The following RGS7 variants were observed in gnomAD, a reference collection of about 807,000 sequenced individuals.
RGS7 encodes the protein regulator of G-protein signaling 7.
Under a neutral mutation model 81.1 loss-of-function variants are expected in RGS7, and 27 were observed. The observed-to-expected ratio is 0.33, with a 90% confidence interval of 0.25 to 0.46. RGS7 has a LOEUF of 0.46. RGS7 is among the 20% of genes least tolerant of loss of function. The pLI, the probability that RGS7 is intolerant of heterozygous loss-of-function variation, is 1.00. For missense variants in RGS7, 396 were observed against 607.4 expected (o/e 0.65, Z 3.66); for synonymous variants, 208 against 207.7 (o/e 1.00, Z -0.01).
chr1:241,057,619 G>T lies in RGS7; in HGVS notation c.175+41047C>A, dbSNP rs2061536746. ...GATCTCTGTTCCTATTTATCTCTGAGAGTTAAATTTATAGCTGGGCATGGT... is the reference window on the plus strand; with the variant it reads ...GATCTCTGTTCCTATTTATCTCTGATAGTTAAATTTATAGCTGGGCATGGT... On this transcript the variant is annotated intron_variant, in intron 3 of 18. Coordinates refer to ENST00000440928, the MANE Select transcript of RGS7 (RefSeq NM_001364886.1). Among the ~76,000 whole-genome samples, 4 of 152,108 alleles carry T rather than the reference G, an allele frequency of 2.6e-5. No individual in the cohort carries two copies. The South Asian group carries it at 8.3e-4, about 32-fold the overall frequency.
intron 3 of RGS7, among the ~76,000 whole-genome samples, chr1:241,038,485 C>A (rs1171714833): frequency 6.6e-6 from 1 of 152,118 alleles, no homozygotes; most frequent in Non-Finnish European, 1.5e-5. Flanking sequence ...GCAATGAAAG[C>A]AGATTTGACA....
At chr1:240,864,052 C>T (rs917849749) in intron 9 of RGS7, among the ~76,000 whole-genome samples, 23 of 152,174 alleles carry the variant, frequency 1.5e-4, no homozygotes, top group Non-Finnish European at 8.8e-5. Flanking sequence ...CTATAAACAA[C>T]ATGAGCATCT....
intron 2 of RGS7, among the ~76,000 whole-genome samples, chr1:241,316,009 G>A (rs2080848987): frequency 6.6e-6 from 1 of 152,060 alleles, no homozygotes; most frequent in East Asian, 1.9e-4. Context: ...TAATTGATCT[G>A]CACGTGGTAC....
intron 2 of RGS7, among the ~76,000 whole-genome samples, chr1:241,197,831 CAA>C (rs55756508): frequency 3.9e-4 from 44 of 113,010 alleles, no homozygotes; most frequent in Non-Finnish European, 3.4e-4. Flanking sequence ...GATAAAAGAC[CAA>C]AAAAAAAAAA....
chr1:241,070,882 G>A (rs919812510), intron 3 of RGS7, among the ~76,000 whole-genome samples: 1 of 152,140 alleles, frequency 6.6e-6, no homozygotes, highest in Non-Finnish European at 1.5e-5. Flanking sequence ...GTCAGTGATG[G>A]GCATAAAAAT....
intron 2 of RGS7, among the ~76,000 whole-genome samples, chr1:241,294,696 T>C (rs2079293271): frequency 6.6e-6 from 1 of 152,162 alleles, no homozygotes; most frequent in African/African-American, 2.4e-5. Context: ...GGGTGTACCA[T>C]TTTTTTCCTC....
chr1:241,182,390 C>A (rs1054639894), intron 2 of RGS7, among the ~76,000 whole-genome samples: 1 of 152,178 alleles, frequency 6.6e-6, no homozygotes, highest in Non-Finnish European at 1.5e-5. Flanking sequence ...CCTCACCAGG[C>A]AACTGAGAGA....
intron 2 of RGS7, among the ~76,000 whole-genome samples, chr1:241,259,926 G>T (rs2077245047): frequency 6.6e-6 from 1 of 151,920 alleles, no homozygotes; most frequent in South Asian, 2.1e-4. Context: ...CTTCATTTCA[G>T]AATCTAGCCT....
intron 3 of RGS7, among the ~76,000 whole-genome samples, chr1:241,037,720 CAAA>C (rs34194641): frequency 1.1e-4 from 14 of 130,284 alleles, no homozygotes; most frequent in South Asian, 5.0e-4. Context: ...GACTCCATCT[CAAA>C]AAAAAAAAAA....
intron 17 of RGS7, among the ~76,000 whole-genome samples, 196 bp from the exon 18 acceptor site, chr1:240,800,917 C>A (rs1158531219): frequency 6.6e-6 from 1 of 151,996 alleles, no homozygotes; most frequent in Non-Finnish European, 1.5e-5. Flanking sequence ...TTTTCAACAC[C>A]TTCCTGAAAA....
At chr1:241,235,637 C>T (rs1187636705) in intron 2 of RGS7, among the ~76,000 whole-genome samples, 134 of 97,820 alleles carry the variant, frequency 1.4e-3, no homozygotes, top group African/African-American at 5.0e-3. Context: ...TCTCTTTTTT[C>T]TTTTTTCTCA....
chr1:241,327,028 A>G (rs574383197), intron 2 of RGS7, among the ~76,000 whole-genome samples: 258 of 2,572 alleles, frequency 0.1, 12 homozygotes, highest in East Asian at 0.12. Context: ...GGAAGGAAGG[A>G]AGGAAGGAAG....
At chr1:240,950,316 G>A (rs544100257) in intron 4 of RGS7, among the ~76,000 whole-genome samples, 4 of 152,170 alleles carry the variant, frequency 2.6e-5, no homozygotes, top group Admixed American at 2.0e-4. Flanking sequence ...TAATCATTGC[G>A]AAAAATGCCC....
At chr1:240,973,244 G>A (rs919466271) in intron 4 of RGS7, among the ~76,000 whole-genome samples, 1 of 152,076 alleles carries the variant, frequency 6.6e-6, no homozygotes, top group Non-Finnish European at 1.5e-5. Context: ...TTAAGGCTGG[G>A]GGCCATGGCT....
intron 3 of RGS7, among the ~76,000 whole-genome samples, chr1:241,079,432 C>T (rs941516355): frequency 6.6e-6 from 1 of 151,882 alleles, no homozygotes; most frequent in Admixed American, 6.6e-5. Context: ...AATAAAATGT[C>T]AGGTAAGAAA....
intron 9 of RGS7, among the ~76,000 whole-genome samples, chr1:240,835,450 C>A (rs1417605591): frequency 6.6e-6 from 1 of 152,186 alleles, no homozygotes; most frequent in Non-Finnish European, 1.5e-5. Flanking sequence ...CAATTGCTGG[C>A]AAGAATGTGG....
chr1:241,008,329 AC>A (rs1193722184), intron 3 of RGS7, among the ~76,000 whole-genome samples: 1 of 152,220 alleles, frequency 6.6e-6, no homozygotes, highest in Non-Finnish European at 1.5e-5. Context: ...CCAGAACATT[AC>A]CTAGACATGA....
intron 2 of RGS7, among the ~76,000 whole-genome samples, chr1:241,350,348 GTTTC>G (rs2083160648): frequency 6.6e-6 from 1 of 152,066 alleles, no homozygotes; most frequent in Non-Finnish European, 1.5e-5. Flanking sequence ...GGTCCAGAAA[GTTTC>G]TTTCAAATAA....
chr1:240,881,895 C>T lies in RGS7; in HGVS notation c.386-11776G>A, dbSNP rs531040125. Among the ~76,000 whole-genome samples, 36 of 151,262 alleles carry T rather than the reference C, an allele frequency of 2.4e-4. 3 individuals carry two copies. In the South Asian group the frequency reaches 6.1e-3, roughly 26 times the overall value. On this transcript the variant is annotated intron_variant, in intron 6 of 18. Transcript: ENST00000440928. ...TAGGATAAGAAAGGTGTACTATGAA[C>T]GTTGAATACTGGACTATAAAAATCT...
Sources: gnomAD v4.1 joint callset for allele counts (sites outside exome capture counted in the v4.1 genomes callset) on GRCh38, gnomAD v4.1.1 for gene constraint, MANE v1.5 for transcripts, NCBI Gene and HGNC (gene_info 2026-07-23, HGNC 2026-07-21) for gene names.